Variants in LRTM3 observed in about 807,000 individuals in gnomAD.
LRTM3 encodes the protein leucine rich repeat transmembrane protein 3.
At chr13:102,738,243 T>G in the LRTM3 span, 2 of 1,551,012 alleles carry the variant, frequency 1.3e-6, no homozygotes, top group Non-Finnish European at 1.7e-6. Flanking sequence ...TTCTGTTGCA[T>G]GTAATCTTTT....
At chr13:102,744,945 G>A in the LRTM3 span, 15 of 1,550,492 alleles carry the variant, frequency 9.7e-6, no homozygotes, top group East Asian at 4.9e-5. Flanking sequence ...GGTACACCAC[G>A]TTTTATTGCA....
the LRTM3 span, chr13:102,747,468 AT>A: frequency 4.2e-5 from 64 of 1,539,752 alleles, no homozygotes; most frequent in Admixed American, 1.6e-4. Flanking sequence ...GTTTCTGATA[AT>A]TTTTTTTTAA....
the LRTM3 span, chr13:102,738,636 T>C: frequency 6.4e-7 from 1 of 1,550,402 alleles, no homozygotes; most frequent in South Asian, 1.2e-5. Context: ...TTATCAGAAA[T>C]ACACTTTTCA....
the LRTM3 span, chr13:102,743,115 C>T: frequency 1.3e-6 from 2 of 1,550,400 alleles, no homozygotes; most frequent in Non-Finnish European, 1.7e-6. Context: ...AAGTTTTCTG[C>T]ATAGAATGGA....
the LRTM3 span, among the ~76,000 whole-genome samples, chr13:102,753,787 C>T: frequency 2.1e-4 from 32 of 152,112 alleles, no homozygotes; most frequent in African/African-American, 6.3e-4. Flanking sequence ...CAAAATTTTG[C>T]GTTGGATGAT....
the LRTM3 span, chr13:102,741,045 T>A: frequency 6.5e-7 from 1 of 1,550,192 alleles, no homozygotes; most frequent in South Asian, 1.2e-5. Flanking sequence ...TTTGAACTCA[T>A]GATTTCTTCT....
At chr13:102,747,876 T>G in the LRTM3 span, 53 of 1,551,234 alleles carry the variant, frequency 3.4e-5, 1 homozygote, top group South Asian at 3.1e-4. Context: ...ATCTGTTCCA[T>G]TTGGAATTTG....
chr13:102,740,612 G>C, the LRTM3 span: 1 of 1,548,592 alleles, frequency 6.5e-7, no homozygotes, highest in Non-Finnish European at 8.7e-7. Context: ...TGCTTCTCTT[G>C]TCTGTGAAGT....
chr13:102,735,513 C>G, the LRTM3 span: 1 of 1,551,020 alleles, frequency 6.4e-7, no homozygotes, highest in Non-Finnish European at 8.7e-7. Flanking sequence ...TTATTTTTAT[C>G]TTCCTGAATC....
At chr13:102,750,320 T>C in the LRTM3 span, 2 of 1,545,724 alleles carry the variant, frequency 1.3e-6, no homozygotes, top group African/African-American at 2.7e-5. Flanking sequence ...AATTCTATCT[T>C]CAAAGTTACA....
the LRTM3 span, chr13:102,758,427 A>C: frequency 3.9e-6 from 6 of 1,536,302 alleles, no homozygotes; most frequent in South Asian, 4.8e-5. Flanking sequence ...CTGAAGATGA[A>C]TTAATAACTG....
chr13:102,734,230 A>G, the LRTM3 span: 2 of 1,551,212 alleles, frequency 1.3e-6, no homozygotes, highest in Admixed American at 2.0e-5. Flanking sequence ...TCTGTGACCT[A>G]TGTGGTTTTC....
At chr13:102,732,282 C>T in the LRTM3 span, 3 of 1,551,360 alleles carry the variant, frequency 1.9e-6, no homozygotes, top group Middle Eastern at 1.7e-4. Context: ...ATTCCTGAGA[C>T]ATCTTTACTC....
chr13:102,744,760 C>G, the LRTM3 span: 1 of 1,550,670 alleles, frequency 6.4e-7, no homozygotes, highest in Non-Finnish European at 8.7e-7. Context: ...GTTGTACATT[C>G]ATGTTCATTG....
chr13:102,739,605 G>A, the LRTM3 span: 2 of 1,550,342 alleles, frequency 1.3e-6, no homozygotes, highest in Non-Finnish European at 8.7e-7. Context: ...AACAGCAAAG[G>A]AAATTCCTTT....
the LRTM3 span, chr13:102,736,907 G>A: frequency 6.4e-7 from 1 of 1,551,076 alleles, no homozygotes; most frequent in East Asian, 2.4e-5. Flanking sequence ...CCATGAGGGT[G>A]GAAGAAAAGA....
the LRTM3 span, chr13:102,738,718 C>T: frequency 1.3e-6 from 2 of 1,550,694 alleles, no homozygotes; most frequent in Non-Finnish European, 1.7e-6. Context: ...TTTTTATTCT[C>T]ATGGCTTCCT....
At chr13:102,740,485 C>T in the LRTM3 span, 1 of 1,550,050 alleles carries the variant, frequency 6.5e-7, no homozygotes, top group Non-Finnish European at 8.7e-7. Context: ...AAGATATATG[C>T]TCCCAAAAGT....
At chr13:102,732,533 T>G in the LRTM3 span, 2 of 1,551,246 alleles carry the variant, frequency 1.3e-6, no homozygotes, top group Admixed American at 3.9e-5. Flanking sequence ...TTGAAATAAT[T>G]TTTGTAGTTG....
Sources: gnomAD v4.1 joint callset for allele counts (sites outside exome capture counted in the v4.1 genomes callset) on GRCh38, gnomAD v4.1.1 for gene constraint, MANE v1.5 for transcripts, NCBI Gene and HGNC (gene_info 2026-07-23, HGNC 2026-07-21) for gene names.